The following CAMK1G variants were observed in gnomAD, a reference collection of about 807,000 sequenced individuals.
The protein encoded by CAMK1G is calcium/calmodulin-dependent protein kinase type 1G.
Under a neutral mutation model 54.8 loss-of-function variants are expected in CAMK1G, and 27 were observed. The ratio of observed to expected loss-of-function variants is 0.49; its 90% confidence interval spans 0.36 to 0.68. The LOEUF (loss-of-function observed/expected upper bound fraction) is 0.68, where lower values mean the gene tolerates loss of function less well. Ranked by LOEUF, CAMK1G falls within the 30% of genes least tolerant of loss-of-function variation. CAMK1G has a pLI of 0.00. For synonymous variants in CAMK1G, 238 were observed against 224.9 expected (o/e 1.06, Z -0.52); for missense variants, 512 against 591.0 (o/e 0.87, Z 1.39).
intron 1 of CAMK1G, among the ~76,000 whole-genome samples, chr1:209,593,265 G>T (rs1046635373): frequency 2.0e-5 from 3 of 152,164 alleles, no homozygotes; most frequent in Admixed American, 1.3e-4. Flanking sequence ...TTGTTCAAAG[G>T]CTATTATTAA....
intron 1 of CAMK1G, among the ~76,000 whole-genome samples, chr1:209,591,029 A>T (rs1224069858): frequency 1.3e-5 from 2 of 151,806 alleles, no homozygotes. Context: ...GATAAGTGGA[A>T]GCTGCTAGAT....
rs894762194 is a variant in CAMK1G, at chr1:209,590,056, T to C, written c.-29-4899T>C. On this transcript the variant is annotated intron_variant, in intron 1 of 12. Coordinates refer to ENST00000361322, the MANE Select transcript of CAMK1G (RefSeq NM_020439.3). Reference sequence around the variant, plus strand: ...CAGCCCTAAATCTCAGAGAAATCTGTGGCGGCTGCTCCTGAGCTTTGAAAC... The same window carrying C: ...CAGCCCTAAATCTCAGAGAAATCTGCGGCGGCTGCTCCTGAGCTTTGAAAC... Among the ~76,000 whole-genome samples, 7 of 152,174 alleles carry C rather than the reference T, an allele frequency of 4.6e-5. No homozygotes were observed. In the East Asian group the frequency reaches 1.3e-3, roughly 29 times the overall value.
At chr1:209,588,448 T>C (rs535965316) in intron 1 of CAMK1G, among the ~76,000 whole-genome samples, 1 of 152,170 alleles carries the variant, frequency 6.6e-6, no homozygotes, top group African/African-American at 2.4e-5. Context: ...AACGTGATGC[T>C]CCTAAGACTC....
chr1:209,595,122 G>A (rs375753355), intron 2 of CAMK1G, 47 bp downstream of exon 2: 15 of 1,368,770 alleles, frequency 1.1e-5, no homozygotes, highest in Non-Finnish European at 1.5e-5. Flanking sequence ...TGCCTGCAGT[G>A]GGAGGTTAGA....
At chr1:209,605,837 A>G (rs1328419755) in intron 5 of CAMK1G, among the ~76,000 whole-genome samples, 163 bp downstream of exon 5, 2 of 152,168 alleles carry the variant, frequency 1.3e-5, no homozygotes, top group African/African-American at 2.4e-5. Flanking sequence ...TGAGTGAACA[A>G]TGGTTACTAA....
At chr1:209,603,726 CA>C (rs2102390783) in intron 4 of CAMK1G, among the ~76,000 whole-genome samples, 1 of 152,272 alleles carries the variant, frequency 6.6e-6, no homozygotes, top group African/African-American at 2.4e-5. Context: ...ACATGTTAAT[CA>C]AATTGGATAG....
Position 209,606,316 on chromosome 1 carries a change from A to G in CAMK1G, c.436-4A>G, listed in dbSNP as rs778778827. ...TCCTACACTACATATTTTTTCTCCT[A>G]CAGCCCGAAAACCTGCTTTACCTTA... On this transcript the variant is annotated splice_region_variant and splice_polypyrimidine_tract_variant and intron_variant, in intron 5 of 12. Transcript: ENST00000361322. 1.9e-6 allele frequency: 3 copies of G among 1,612,998 alleles called. No individual in the cohort carries two copies. Among genetic ancestry groups the G allele is most frequent in the Admixed American group, 3.3e-5 (2 of 59,754 alleles).
chr1:209,585,938 T>A (rs1214559234), intron 1 of CAMK1G, among the ~76,000 whole-genome samples: 1 of 151,840 alleles, frequency 6.6e-6, no homozygotes, highest in Non-Finnish European at 1.5e-5. Context: ...GGCGAGGGGG[T>A]TGGGGCTGAG....
At chr1:209,606,269 A>G in intron 5 of CAMK1G, 51 bp from the exon 6 acceptor site, 8 of 1,594,958 alleles carry the variant, frequency 5.0e-6, no homozygotes, top group Non-Finnish European at 6.8e-6. Context: ...GGGAAGGAAA[A>G]TACTTGCTTC....
At position 209,612,169 on chromosome 1, in the gene CAMK1G, C is replaced by T. The variant is rs1479205563; in HGVS notation, c.1293C>T (p.Ser431=). The T allele has an allele frequency of 2.7e-5, 43 of 1,614,060 alleles. No homozygotes were observed. The highest frequency in any genetic ancestry group is 3.5e-5 in the Non-Finnish European group (41 of 1,180,054). Residue 431 remains serine, a synonymous_variant, in exon 11 of 13, where the codon TCC becomes TCT. Transcript: ENST00000361322. ...SCLNIGSKGK[S]SYCSEPTLLK... is the part of the protein sequence containing the mutation. ...TGAACATTGGGAGCAAAGGAAAGTC[C>T]TCCTACTGCTCTGAGCCCACACTCC...
chr1:209,608,850 C>A, intron 7 of CAMK1G, 130 bp from the exon 8 acceptor site: 1 of 1,314,706 alleles, frequency 7.6e-7, no homozygotes, highest in Non-Finnish European at 1.0e-6. Flanking sequence ...GATCTGCGTC[C>A]TGGTCACACC....
At chr1:209,597,254 G>A (rs1283436748) in intron 2 of CAMK1G, among the ~76,000 whole-genome samples, 3 of 152,194 alleles carry the variant, frequency 2.0e-5, no homozygotes, top group Admixed American at 6.5e-5. Flanking sequence ...TGGCTTCAAG[G>A]TGAATGGCAC....
intron 2 of CAMK1G, among the ~76,000 whole-genome samples, chr1:209,598,546 TCATTCCCAAA>T (rs1486064735): frequency 6.6e-6 from 1 of 152,064 alleles, no homozygotes; most frequent in African/African-American, 2.4e-5. Flanking sequence ...TCTCTAGGGG[TCATTCCCAAA>T]CTATAGAACC....
intron 2 of CAMK1G, among the ~76,000 whole-genome samples, chr1:209,597,706 C>T (rs186798323): frequency 2.5e-4 from 38 of 152,324 alleles, no homozygotes; most frequent in Admixed American, 9.8e-4. Flanking sequence ...AACTCAGACA[C>T]AGGAAACACC....
rs1171132542 is a variant in CAMK1G, at chr1:209,605,616, A to G, written c.377A>G (p.Gln126Arg). 1.2e-6 allele frequency: 2 copies of G among 1,614,052 alleles called. No homozygotes were observed. Among genetic ancestry groups the G allele is most frequent in the African/African-American group, 1.3e-5 (1 of 74,928 alleles). ...TEKDASLVIQ[Q>R]VLSAVKYLHE... ...AAGGATGCCAGTCTGGTGATCCAGC[A>G]GGTCTTGTCGGCAGTGAAATACCTA... The change falls in exon 5 of 13, where the codon CAG (glutamine) becomes CGG (arginine). Residue 126 changes from glutamine (Q) to arginine (R), a missense_variant. Coordinates refer to ENST00000361322, the MANE Select transcript of CAMK1G (RefSeq NM_020439.3).
intron 6 of CAMK1G, 90 bp from the exon 7 acceptor site, chr1:209,607,768 A>T: frequency 9.7e-7 from 1 of 1,030,536 alleles, no homozygotes; most frequent in Non-Finnish European, 1.5e-6. Context: ...AGTCTTCCCC[A>T]GACCTCTTCT....
intron 2 of CAMK1G, among the ~76,000 whole-genome samples, chr1:209,596,427 A>G (rs1665384198): frequency 6.6e-6 from 1 of 152,128 alleles, no homozygotes; most frequent in East Asian, 1.9e-4. Flanking sequence ...GTAGGACTCA[A>G]AAGACAGACA....
chr1:209,610,973 T>C (rs1665766686), intron 9 of CAMK1G, among the ~76,000 whole-genome samples: 1 of 151,818 alleles, frequency 6.6e-6, no homozygotes. Context: ...CAGGAGGAGG[T>C]GGGTTCTAGG....
At chr1:209,589,158 C>A (rs1228868643) in intron 1 of CAMK1G, among the ~76,000 whole-genome samples, 14 of 152,136 alleles carry the variant, frequency 9.2e-5, no homozygotes, top group Admixed American at 9.2e-4. Context: ...TTGAGATTGT[C>A]ATACTTATTA....
Sources: allele counts gnomAD v4.1 joint callset (sites outside exome capture counted in the v4.1 genomes callset), GRCh38; gene constraint gnomAD v4.1.1; transcripts MANE v1.5; gene names NCBI Gene and HGNC (gene_info 2026-07-23, HGNC 2026-07-21).